The following AHCY variants were observed in gnomAD, a reference collection of about 807,000 sequenced individuals.
AHCY encodes the protein S-adenosyl-L-homocysteine hydrolase.
In AHCY, 24 loss-of-function variants were observed where a neutral mutation model predicts 45.4. The ratio of observed to expected loss-of-function variants is 0.53; its 90% confidence interval spans 0.38 to 0.74. The LOEUF (loss-of-function observed/expected upper bound fraction) is 0.74, where lower values mean the gene tolerates loss of function less well. AHCY is among the 30% of genes least tolerant of loss of function. AHCY has a pLI of 0.00. For synonymous variants in AHCY, 245 were observed against 235.1 expected (o/e 1.04, Z -0.39); for missense variants, 449 against 594.1 (o/e 0.76, Z 2.54).
chr20:34,250,981 C>T, the AHCY span, among the ~76,000 whole-genome samples: 1 of 152,120 alleles, frequency 6.6e-6, no homozygotes, highest in East Asian at 1.9e-4. Flanking sequence ...CTTATATTCC[C>T]TCAAGCAGAG....
chr20:34,236,164 AAAAGAAAG>A, the AHCY span, among the ~76,000 whole-genome samples: 2 of 151,312 alleles, frequency 1.3e-5, no homozygotes, highest in South Asian at 4.2e-4. Context: ...GGAGGGAGGG[AAAAGAAAG>A]AAAGAAAGAA....
chr20:34,303,359 T>G, upstream of AHCY: 7 of 1,529,968 alleles, frequency 4.6e-6, no homozygotes, highest in South Asian at 8.4e-5. Flanking sequence ...AGCAGGGATA[T>G]GCGCGTGGCG....
the AHCY span, among the ~76,000 whole-genome samples, chr20:34,266,990 G>A: frequency 6.6e-6 from 1 of 152,128 alleles, no homozygotes; most frequent in Admixed American, 6.6e-5. Context: ...TAGGAGGTAG[G>A]ATCTGGCACT....
the AHCY span, chr20:34,246,325 T>G: frequency 3.9e-6 from 6 of 1,549,188 alleles, no homozygotes; most frequent in Non-Finnish European, 5.2e-6. Context: ...CTTGTTTGGG[T>G]GAATTTTCTA....
chr20:34,248,842 C>G, the AHCY span, among the ~76,000 whole-genome samples: 2 of 151,562 alleles, frequency 1.3e-5, no homozygotes, highest in Admixed American at 1.3e-4. Context: ...TATGTTGTAG[C>G]CTCTCTGAAG....
At chr20:34,259,856 T>C in the AHCY span, among the ~76,000 whole-genome samples, 2 of 152,164 alleles carry the variant, frequency 1.3e-5, no homozygotes, top group South Asian at 2.1e-4. Flanking sequence ...TCGTTCTCTC[T>C]GGGTTTGGGA....
chr20:34,241,544 T>G, the AHCY span: 1 of 985,320 alleles, frequency 1.0e-6, no homozygotes, highest in Admixed American at 6.1e-5. Flanking sequence ...GCTGCTACTT[T>G]GGAAAGTTGA....
chr20:34,256,325 T>C, the AHCY span, among the ~76,000 whole-genome samples: 1 of 152,192 alleles, frequency 6.6e-6, no homozygotes, highest in Non-Finnish European at 1.5e-5. Context: ...CTCTGTGCCT[T>C]GGTGGTAGTG....
intron 5 of AHCY, among the ~76,000 whole-genome samples, 171 bp downstream of exon 5, chr20:34,291,248 C>T (rs923654729): frequency 7.2e-5 from 11 of 152,210 alleles, no homozygotes; most frequent in Non-Finnish European, 1.5e-4. Context: ...TCCTAACACC[C>T]AGCTCTGACA....
At chr20:34,268,348 A>G in the AHCY span, among the ~76,000 whole-genome samples, 1 of 152,174 alleles carries the variant, frequency 6.6e-6, no homozygotes, top group Admixed American at 6.5e-5. Context: ...AGCGAAGTTA[A>G]CAGGGGTCGG....
the AHCY span, among the ~76,000 whole-genome samples, chr20:34,243,992 G>A: frequency 2.6e-5 from 4 of 152,176 alleles, no homozygotes; most frequent in Admixed American, 6.5e-5. Context: ...GTGAACCCGG[G>A]AAGCGGAGCT....
chr20:34,279,369 TGA>T (rs1188659072), downstream of AHCY, among the ~76,000 whole-genome samples: 2 of 149,372 alleles, frequency 1.3e-5, no homozygotes, highest in Non-Finnish European at 3.0e-5. Context: ...TGCAGTGAGC[TGA>T]GATAGCACCA....
chr20:34,302,951 G>A lies in AHCY; in HGVS notation c.28+292C>T, dbSNP rs529495046. On this transcript the variant is annotated intron_variant, in intron 1 of 9. Coordinates refer to ENST00000217426, the MANE Select transcript of AHCY (RefSeq NM_000687.4). ...GCAGGTGCCAGCCGTCCCAGGCCGT[G>A]GCCAGGTGTGCTCTCCCGCGGAGCA... 7 of 985,444 alleles carry A rather than the reference G, an allele frequency of 7.1e-6. No homozygotes were observed. The East Asian group carries it at 7.9e-4, about 112-fold the overall frequency. 61.0% of individuals were successfully genotyped at this position (985,444 alleles called of 1,614,324 possible). A position where few individuals can be genotyped will look rare whatever the true frequency, so the allele number is the denominator to read the frequency against.
At chr20:34,274,402 C>T in the AHCY span, among the ~76,000 whole-genome samples, 2 of 152,132 alleles carry the variant, frequency 1.3e-5, no homozygotes, top group Non-Finnish European at 1.5e-5. Context: ...CCTTAAACAC[C>T]AGGCCACTGA....
intron 1 of AHCY, among the ~76,000 whole-genome samples, chr20:34,299,645 A>C (rs2036703880): frequency 6.6e-6 from 1 of 152,070 alleles, no homozygotes; most frequent in African/African-American, 2.4e-5. Flanking sequence ...CAGCACCTCC[A>C]CTTGGATGTC....
the AHCY span, among the ~76,000 whole-genome samples, chr20:34,233,355 G>A: frequency 6.6e-6 from 1 of 151,966 alleles, no homozygotes; most frequent in Non-Finnish European, 1.5e-5. Flanking sequence ...CACTATGTTA[G>A]CCAGGATGGT....
At chr20:34,251,682 T>C in the AHCY span, among the ~76,000 whole-genome samples, 2 of 152,262 alleles carry the variant, frequency 1.3e-5, no homozygotes, top group East Asian at 1.9e-4. Context: ...CAGATTCAGA[T>C]GTTGAAATCC....
chr20:34,281,064 G>A lies in AHCY; in HGVS notation c.1269C>T (p.Gly423=). The A allele has an allele frequency of 6.2e-7, 1 of 1,614,160 alleles. No individual in the cohort carries two copies. The highest frequency in any genetic ancestry group is 8.5e-7 in the Non-Finnish European group (1 of 1,180,040). Residue 423 remains glycine, a synonymous_variant, in exon 10 of 10, where the codon GGC becomes GGT. Transcript: ENST00000217426. The part of the protein sequence containing the change: ...QAQYLGMSCD[G]PFKPDHYRY The stretch of plus-strand genomic sequence containing the variant: ...AGCGGTAGTGATCCGGCTTGAAGGG[G>A]CCATCACAGGACATGCCCAGGTACT...
chr20:34,282,459 T>TG (rs1194287185), intron 9 of AHCY, among the ~76,000 whole-genome samples: 1 of 152,168 alleles, frequency 6.6e-6, no homozygotes, highest in African/African-American at 2.4e-5. Flanking sequence ...CCACAGAAAC[T>TG]GAAATAATAA....
Sources: gnomAD v4.1 joint callset for allele counts (sites outside exome capture counted in the v4.1 genomes callset) on GRCh38, gnomAD v4.1.1 for gene constraint, MANE v1.5 for transcripts, NCBI Gene and HGNC (gene_info 2026-07-23, HGNC 2026-07-21) for gene names.